The following TANC2 variants were observed in gnomAD, a reference collection of about 807,000 sequenced individuals.
TANC2 encodes the protein tetratricopeptide repeat, ankyrin repeat and coiled-coil containing 2, also known as protein TANC2.
In TANC2, 26 loss-of-function variants were observed where a neutral mutation model predicts 210.5. The ratio of observed to expected loss-of-function variants is 0.12; its 90% CI spans 0.09 to 0.17. The LOEUF (loss-of-function observed/expected upper bound fraction) is 0.17. TANC2 is among the 10% of genes least tolerant of loss of function. TANC2 has a pLI of 1.00. For synonymous variants in TANC2, 931 were observed against 967.1 expected (o/e 0.96, Z 0.69); for missense variants, 2,129 against 2,608.9 (o/e 0.82, Z 4.01).
intron 11 of TANC2, among the ~76,000 whole-genome samples, chr17:63,331,573 A>G (rs531939630): frequency 6.6e-6 from 1 of 152,344 alleles, no homozygotes; most frequent in South Asian, 2.1e-4. Flanking sequence ...CCAAATTGGA[A>G]TGCTTTTTAA....
chr17:63,263,314 T>G (rs2043424916), intron 8 of TANC2, among the ~76,000 whole-genome samples: 1 of 152,142 alleles, frequency 6.6e-6, no homozygotes, highest in Non-Finnish European at 1.5e-5. Context: ...TAATTATATA[T>G]TATAACTAAA....
At chr17:63,183,294 T>A (rs376055887) in intron 5 of TANC2, among the ~76,000 whole-genome samples, 1 of 152,206 alleles carries the variant, frequency 6.6e-6, no homozygotes, top group Non-Finnish European at 1.5e-5. Context: ...TAATTCCTAT[T>A]TTTTTCTGTC....
intron 1 of TANC2, among the ~76,000 whole-genome samples, chr17:62,988,284 C>T (rs1463329525): frequency 3.4e-5 from 5 of 148,262 alleles, no homozygotes; most frequent in Admixed American, 6.8e-5. Flanking sequence ...TGCACCACCA[C>T]ACCTGGCTAA....
chr17:63,064,620 C>T (rs2036128408), intron 2 of TANC2, among the ~76,000 whole-genome samples: 1 of 152,128 alleles, frequency 6.6e-6, no homozygotes, highest in African/African-American at 2.4e-5. Flanking sequence ...AGCCTTTTTA[C>T]AATTTTCCTT....
At chr17:63,165,252 C>T (rs2040172742) in intron 5 of TANC2, among the ~76,000 whole-genome samples, 1 of 151,254 alleles carries the variant, frequency 6.6e-6, no homozygotes, top group South Asian at 2.1e-4. Context: ...CCAGCCTGGG[C>T]TGTAACAGAG....
At chr17:63,132,575 C>A (rs2038955707) in intron 4 of TANC2, among the ~76,000 whole-genome samples, 2 of 152,132 alleles carry the variant, frequency 1.3e-5, no homozygotes, top group African/African-American at 4.8e-5. Context: ...TACTTTCCAC[C>A]AGAGCTTTCT....
chr17:63,188,166 A>C (rs2041058546), intron 5 of TANC2, among the ~76,000 whole-genome samples: 1 of 152,090 alleles, frequency 6.6e-6, no homozygotes, highest in Non-Finnish European at 1.5e-5. Context: ...AATCTGACAA[A>C]ATCAGGCTGG....
chr17:63,276,113 AGT>A (rs2043864999), intron 9 of TANC2, among the ~76,000 whole-genome samples: 7 of 152,146 alleles, frequency 4.6e-5, no homozygotes, highest in Admixed American at 4.6e-4. Flanking sequence ...TTAATCTTGT[AGT>A]ATATAAAAGG....
At chr17:63,317,989 C>A (rs915645280) in intron 10 of TANC2, among the ~76,000 whole-genome samples, 1 of 152,210 alleles carries the variant, frequency 6.6e-6, no homozygotes, top group Non-Finnish European at 1.5e-5. Context: ...ACCCAAATGT[C>A]ACACAGTCCT....
intron 2 of TANC2, among the ~76,000 whole-genome samples, chr17:63,026,487 C>T (rs2034558201): frequency 1.3e-5 from 2 of 152,038 alleles, no homozygotes; most frequent in African/African-American, 4.8e-5. Context: ...ACAGAGGATA[C>T]ACAAGGAAGA....
At chr17:63,332,365 G>T in intron 11 of TANC2, 1 of 307,230 alleles carries the variant, frequency 3.3e-6, no homozygotes, top group South Asian at 3.0e-5. Flanking sequence ...TCTACAGTAA[G>T]TTTTTCAAAT....
intron 5 of TANC2, among the ~76,000 whole-genome samples, chr17:63,168,095 C>T (rs138751070): frequency 1.2e-4 from 19 of 152,160 alleles, no homozygotes; most frequent in Non-Finnish European, 2.1e-4. Context: ...TGGCCAGATA[C>T]GATGGCTCGT....
chr17:63,245,712 G>A lies in TANC2; in HGVS notation c.1033+7635G>A, dbSNP rs566332382. On this transcript the variant is annotated intron_variant, in intron 8 of 27. Coordinates refer to ENST00000689528, the Ensembl canonical transcript of TANC2. ...AAAAACTTAGCTGGGCGTGGTGGCAGGGGCCTGTAATCCCAGCTACTCGGG... is the reference window on the plus strand; with the variant it reads ...AAAAACTTAGCTGGGCGTGGTGGCAAGGGCCTGTAATCCCAGCTACTCGGG... Among the ~76,000 whole-genome samples, 197 of 152,068 alleles carry A rather than the reference G, an allele frequency of 1.3e-3. 1 individual carries two copies. The South Asian group carries it at 0.021, about 16-fold the overall frequency.
chr17:63,020,249 G>A lies in TANC2; in HGVS notation c.67+10623G>A, dbSNP rs375292149. Among the ~76,000 whole-genome samples the A allele has an allele frequency of 2.0e-5, 3 of 151,944 alleles. No individual in the cohort carries two copies. In the East Asian group the frequency reaches 5.8e-4, roughly 29 times the overall value. ...TTTGTATTTTTAATCCTCTTAACAG[G>A]GCTTTTTATAAAGCAAAAGTTTTTA... is the stretch of plus-strand genomic sequence containing the variant. On this transcript the variant is annotated intron_variant, in intron 2 of 27. Coordinates refer to ENST00000689528, the Ensembl canonical transcript of TANC2.
In TANC2 at chr17:63,398,197, C is replaced by T. The variant is rs190513380; in HGVS notation, c.3238-624C>T. On this transcript the variant is annotated intron_variant, in intron 18 of 27. Coordinates refer to ENST00000689528, the Ensembl canonical transcript of TANC2. ...CAGTGGCTGACACCTGTAATCCCAG[C>T]ACTTTGGGAGACCAAAGCAGGAGAA... Among the ~76,000 whole-genome samples, 178 of 152,236 alleles carry T rather than the reference C, an allele frequency of 1.2e-3. 1 individual carries two copies. The highest frequency in any genetic ancestry group is 4.1e-3 in the African/African-American group (171 of 41,544).
chr17:63,121,510 A>T (rs2038476846), intron 4 of TANC2, among the ~76,000 whole-genome samples: 1 of 152,098 alleles, frequency 6.6e-6, no homozygotes, highest in African/African-American at 2.4e-5. Flanking sequence ...AAGGCATTTG[A>T]ATACTTACCA....
chr17:63,065,704 G>C (rs1200815288), intron 2 of TANC2, among the ~76,000 whole-genome samples: 1 of 152,140 alleles, frequency 6.6e-6, no homozygotes, highest in Non-Finnish European at 1.5e-5. Context: ...CTTCTTTAGA[G>C]AAATGTCTAT....
chr17:63,323,198 A>G (rs1230319173), intron 11 of TANC2, among the ~76,000 whole-genome samples: 1 of 152,252 alleles, frequency 6.6e-6, no homozygotes, highest in African/African-American at 2.4e-5. Context: ...GTAGACTAAC[A>G]TGAAAATTTA....
intron 7 of TANC2, among the ~76,000 whole-genome samples, chr17:63,236,895 G>A (rs2042636362): frequency 1.3e-5 from 2 of 152,128 alleles, no homozygotes; most frequent in African/African-American, 4.8e-5. Flanking sequence ...TTCATCTGTT[G>A]ATGGACATTT....
Sources: gnomAD v4.1 joint callset for allele counts (sites outside exome capture counted in the v4.1 genomes callset) on GRCh38, gnomAD v4.1.1 for gene constraint, MANE v1.5 for transcripts, NCBI Gene and HGNC (gene_info 2026-07-23, HGNC 2026-07-21) for gene names.